The following GLDN variants were observed in gnomAD, a reference collection of about 807,000 sequenced individuals.
GLDN encodes collomin.
Under a neutral mutation model 56.5 loss-of-function variants are expected in GLDN, and 47 were observed. That is an observed-to-expected ratio of 0.83 (90% CI 0.66 to 1.06). The LOEUF (loss-of-function observed/expected upper bound fraction) is 1.06, where lower values mean the gene tolerates loss of function less well. Ranked by LOEUF, GLDN falls within the 50% of genes least tolerant of loss-of-function variation. The pLI is 0.00. For missense variants in GLDN, 782 were observed against 714.3 expected (o/e 1.09, Z -1.08); for synonymous variants, 332 against 278.8 (o/e 1.19, Z -1.90).
At chr15:51,389,082 T>C (rs1389817663) in intron 4 of GLDN, among the ~76,000 whole-genome samples, 1 of 152,206 alleles carries the variant, frequency 6.6e-6, no homozygotes, top group African/African-American at 2.4e-5. Flanking sequence ...GCTCTTGCCT[T>C]TACCCCTTAC....
At position 51,368,983 on chromosome 15, in the gene GLDN, T is replaced by C. The variant is rs2037461118; in HGVS notation, c.364-8466T>C. On this transcript the variant is annotated intron_variant, in intron 1 of 9. Coordinates refer to ENST00000335449, the MANE Select transcript of GLDN (RefSeq NM_181789.4). Reference sequence around the variant, plus strand: ...GGTACTAAACTGTGGCCTCCAGTTTTATTTATTTACATTTAACAAAGGCAA... The same window carrying C: ...GGTACTAAACTGTGGCCTCCAGTTTCATTTATTTACATTTAACAAAGGCAA... The C allele has an allele frequency of 1.3e-5, 2 of 152,208 alleles. 1 individual carries two copies. Among genetic ancestry groups the C allele is most frequent in the South Asian group, 4.1e-4 (2 of 4,824 alleles). 9.4% of individuals were successfully genotyped at this position (152,208 alleles called of 1,614,324 possible).
intron 1 of GLDN, among the ~76,000 whole-genome samples, chr15:51,350,620 G>T (rs1000401149): frequency 1.3e-5 from 2 of 152,160 alleles, no homozygotes; most frequent in Non-Finnish European, 2.9e-5. Flanking sequence ...TGCTAAGATT[G>T]TGTCTAGTGG....
intron 4 of GLDN, among the ~76,000 whole-genome samples, chr15:51,389,682 C>T (rs534416509): frequency 9.2e-5 from 14 of 152,266 alleles, no homozygotes; most frequent in South Asian, 4.2e-4. Context: ...TCCCAAGACA[C>T]GAATAAGGAG....
intron 1 of GLDN, among the ~76,000 whole-genome samples, chr15:51,375,108 T>A (rs1246160115): frequency 2.0e-5 from 3 of 152,188 alleles, no homozygotes; most frequent in Non-Finnish European, 4.4e-5. Flanking sequence ...GTTGACATAC[T>A]TGACAAAAAG....
At chr15:51,356,034 C>A (rs571138019) in intron 1 of GLDN, among the ~76,000 whole-genome samples, 4 of 150,382 alleles carry the variant, frequency 2.7e-5, no homozygotes, top group African/African-American at 9.7e-5. Flanking sequence ...GGTGAAACCC[C>A]GTCTCTACTA....
At chr15:51,388,235 A>C (rs899351119) in intron 4 of GLDN, among the ~76,000 whole-genome samples, 4 of 151,890 alleles carry the variant, frequency 2.6e-5, no homozygotes, top group African/African-American at 9.7e-5. Context: ...AAATCACCCC[A>C]TGGTGATTAT....
At chr15:51,384,903 T>C (rs1024378685) in intron 4 of GLDN, 1 of 152,240 alleles carries the variant, frequency 6.6e-6, no homozygotes. Flanking sequence ...AGAAAATTCT[T>C]CCAGACAGCA....
At position 51,394,840 on chromosome 15, in the gene GLDN, C is replaced by T; in HGVS notation, c.547C>T (p.Pro183Ser). ...ANGKRGKMGI[P>S]GAAGNPGERG... Reference sequence around the variant, plus strand: ...TCTTTTGTTTTTTTGGTCAGGGATACCTGGAGCTGCAGGAAATCCAGGGGA... The same window carrying T: ...TCTTTTGTTTTTTTGGTCAGGGATATCTGGAGCTGCAGGAAATCCAGGGGA... Residue 183 changes from proline (P) to serine (S), a missense_variant, in exon 5 of 10, where the codon CCT becomes TCT. Physicochemically the swap from Pro to Ser is moderately conservative, Grantham distance 74. Coordinates refer to ENST00000335449, the MANE Select transcript of GLDN (RefSeq NM_181789.4). The T allele has an allele frequency of 6.2e-7, 1 of 1,613,558 alleles. No homozygotes were observed. The highest frequency in any genetic ancestry group is 8.5e-7 in the Non-Finnish European group (1 of 1,179,802).
rs76214493 is a variant in GLDN at position 51,357,261 on chromosome 15, G to A, written c.363+15214G>A. Among the ~76,000 whole-genome samples the A allele has an allele frequency of 5.9e-5, 9 of 152,252 alleles. No homozygotes were observed. In the East Asian group the frequency reaches 1.2e-3, roughly 20 times the overall value. On this transcript the variant is annotated intron_variant, in intron 1 of 9. Coordinates refer to ENST00000335449, the MANE Select transcript of GLDN (RefSeq NM_181789.4). Reference sequence around the variant, plus strand: ...GTCCACGCATTTCTCTAATTGAGCCGTAACACTTGCCACTGTGGTCCACGG... The same window carrying A: ...GTCCACGCATTTCTCTAATTGAGCCATAACACTTGCCACTGTGGTCCACGG...
chr15:51,387,663 C>T (rs769807052), intron 4 of GLDN, among the ~76,000 whole-genome samples: 1 of 152,112 alleles, frequency 6.6e-6, no homozygotes, highest in Non-Finnish European at 1.5e-5. Context: ...AAGGATCATT[C>T]GTGGTTTGCC....
chr15:51,352,120 G>A (rs560907015), intron 1 of GLDN, among the ~76,000 whole-genome samples: 1 of 152,136 alleles, frequency 6.6e-6, no homozygotes, highest in East Asian at 1.9e-4. Flanking sequence ...TGGCAGCTGG[G>A]GAGTCTAACA....
chr15:51,353,550 C>T lies in GLDN; in HGVS notation c.363+11503C>T, dbSNP rs2037114605. Among the ~76,000 whole-genome samples, 4 of 151,512 alleles carry T rather than the reference C, an allele frequency of 2.6e-5. No homozygotes were observed. The South Asian group carries it at 8.3e-4, about 32-fold the overall frequency. On this transcript the variant is annotated intron_variant, in intron 1 of 9. Transcript: ENST00000335449. ...CTGTTGATTCCTGTTGGTGGCATTC[C>T]TGAAAAAAAATTTGTATGCTGGCAT...
At chr15:51,381,835 C>T (rs1040409832) in intron 2 of GLDN, among the ~76,000 whole-genome samples, 3 of 151,662 alleles carry the variant, frequency 2.0e-5, no homozygotes, top group East Asian at 1.9e-4. Flanking sequence ...CTGTCTCTCT[C>T]GTCTTGTTGC....
chr15:51,356,838 T>C (rs576020374), intron 1 of GLDN, among the ~76,000 whole-genome samples: 32 of 152,358 alleles, frequency 2.1e-4, no homozygotes, highest in African/African-American at 7.7e-4. Flanking sequence ...AATATTATTT[T>C]AGTATTTTTC....
chr15:51,411,849 G>C (rs1274843769), downstream of GLDN, among the ~76,000 whole-genome samples: 2 of 152,194 alleles, frequency 1.3e-5, no homozygotes, highest in African/African-American at 4.8e-5. Context: ...GACATAGTCT[G>C]CCACCCCCTG....
chr15:51,395,434 C>T (rs1305403357), intron 5 of GLDN, among the ~76,000 whole-genome samples: 1 of 152,158 alleles, frequency 6.6e-6, no homozygotes, highest in Non-Finnish European at 1.5e-5. Context: ...GTGCCAAGCC[C>T]TGGTCGACCT....
intron 1 of GLDN, among the ~76,000 whole-genome samples, chr15:51,342,904 T>C (rs114017233): frequency 0.011 from 1,733 of 152,332 alleles, 33 homozygotes; most frequent in African/African-American, 0.04. Flanking sequence ...AACACTGCTC[T>C]GAAGAAAGTC....
At chr15:51,386,268 G>A (rs1005490327) in intron 4 of GLDN, among the ~76,000 whole-genome samples, 1 of 152,168 alleles carries the variant, frequency 6.6e-6, no homozygotes, top group African/African-American at 2.4e-5. Flanking sequence ...ATTGTCCCAG[G>A]CCAGGGGAAG....
chr15:51,403,300 C>G (rs2038295679), intron 9 of GLDN, among the ~76,000 whole-genome samples: 2 of 152,180 alleles, frequency 1.3e-5, no homozygotes, highest in Admixed American at 1.3e-4. Flanking sequence ...CCCAGGTATT[C>G]AGAGGAAGGA....
Sources: gnomAD v4.1 joint callset for allele counts (sites outside exome capture counted in the v4.1 genomes callset) on GRCh38, gnomAD v4.1.1 for gene constraint, MANE v1.5 for transcripts, NCBI Gene and HGNC (gene_info 2026-07-23, HGNC 2026-07-21) for gene names.